DCC: variants seen among roughly 807,000 people sequenced by gnomAD.
DCC encodes the protein DCC netrin 1 receptor.
Under a neutral mutation model 172.5 loss-of-function variants are expected in DCC, and 58 were observed. That is an observed-to-expected ratio of 0.34 (90% confidence interval 0.27 to 0.42). The LOEUF is 0.42. DCC is among the 10% of genes least tolerant of loss of function. The pLI, the probability that DCC is intolerant of heterozygous loss-of-function variation, is 1.00. For missense variants in DCC, 1,740 were observed against 1,791.0 expected, an observed-to-expected ratio of 0.97 and a Z score of 0.51; for synonymous variants, 709 against 644.5, an observed-to-expected ratio of 1.10 and a Z score of -1.52.
chr18:52,617,239 A>G (rs2034400055), intron 1 of DCC, among the ~76,000 whole-genome samples: 1 of 152,192 alleles, frequency 6.6e-6, no homozygotes, highest in Admixed American at 6.6e-5. Context: ...TTAAGTGTCT[A>G]TTAAAAACAA....
At chr18:52,619,365 T>C (rs1447227657) in intron 1 of DCC, among the ~76,000 whole-genome samples, 1 of 152,226 alleles carries the variant, frequency 6.6e-6, no homozygotes, top group Non-Finnish European at 1.5e-5. Context: ...GATTTGATCA[T>C]ATTCCTTTTG....
chr18:52,429,892 G>A (rs1447240330), intron 1 of DCC, among the ~76,000 whole-genome samples: 5 of 152,090 alleles, frequency 3.3e-5, no homozygotes, highest in African/African-American at 1.2e-4. Flanking sequence ...TCAAGAGGTG[G>A]GTAAGGTATT....
chr18:53,205,409 T>A (rs773022395), intron 10 of DCC, 45 bp downstream of exon 10: 4 of 1,593,948 alleles, frequency 2.5e-6, no homozygotes, highest in Non-Finnish European at 3.4e-6. Context: ...GTTGGATGTT[T>A]CCATCCATTG....
chr18:52,643,943 A>G (rs1416074427), intron 1 of DCC, among the ~76,000 whole-genome samples: 1 of 118,376 alleles, frequency 8.4e-6, no homozygotes, highest in Non-Finnish European at 1.8e-5. Flanking sequence ...ATTAATAGTC[A>G]AGAACAGTAT....
At chr18:53,491,393 G>C (rs182385626) in intron 26 of DCC, among the ~76,000 whole-genome samples, 1 of 151,904 alleles carries the variant, frequency 6.6e-6, no homozygotes, top group East Asian at 1.9e-4. Flanking sequence ...TTAATTTCTG[G>C]GGTACATGTG....
intron 23 of DCC, among the ~76,000 whole-genome samples, chr18:53,451,111 T>C (rs1282146854): frequency 6.6e-6 from 1 of 152,226 alleles, no homozygotes; most frequent in East Asian, 1.9e-4. Flanking sequence ...TGACTAAATA[T>C]AGAATGCCAG....
intron 5 of DCC, among the ~76,000 whole-genome samples, chr18:53,035,637 T>C (rs2042082687): frequency 6.6e-6 from 1 of 152,158 alleles, no homozygotes; most frequent in South Asian, 2.1e-4. Flanking sequence ...AGGAACATTA[T>C]AGCAGCGTAG....
At chr18:53,168,619 A>T (rs2054962536) in intron 8 of DCC, among the ~76,000 whole-genome samples, 1 of 152,014 alleles carries the variant, frequency 6.6e-6, no homozygotes, top group South Asian at 2.1e-4. Flanking sequence ...TACCTAATGT[A>T]GATGACAGGT....
intron 1 of DCC, among the ~76,000 whole-genome samples, chr18:52,473,931 C>CT: frequency 6.6e-6 from 1 of 152,252 alleles, no homozygotes; most frequent in East Asian, 1.9e-4. Flanking sequence ...CCACCTTCCT[C>CT]TTCTGACATC....
intron 7 of DCC, among the ~76,000 whole-genome samples, chr18:53,153,016 C>A (rs1389555935): frequency 2.0e-5 from 3 of 152,206 alleles, no homozygotes; most frequent in Non-Finnish European, 4.4e-5. Context: ...TGCCTGCTTG[C>A]CATTGCCCCT....
At chr18:52,457,838 G>C (rs1988505196) in intron 1 of DCC, among the ~76,000 whole-genome samples, 1 of 152,012 alleles carries the variant, frequency 6.6e-6, no homozygotes, top group African/African-American at 2.4e-5. Context: ...CCATTGACTT[G>C]GGAAATCCAA....
At chr18:53,295,809 C>G (rs79556961) in intron 12 of DCC, among the ~76,000 whole-genome samples, 172 of 152,148 alleles carry the variant, frequency 1.1e-3, no homozygotes, top group African/African-American at 3.5e-3. Flanking sequence ...TATTATCTAC[C>G]GTGTTGCCTA....
intron 1 of DCC, among the ~76,000 whole-genome samples, chr18:52,648,511 C>A (rs1002936282): frequency 5.3e-5 from 8 of 152,210 alleles, no homozygotes; most frequent in African/African-American, 1.9e-4. Flanking sequence ...TTCTGTAGGA[C>A]TTCAATGCCA....
intron 7 of DCC, among the ~76,000 whole-genome samples, chr18:53,125,057 A>G (rs1352949359): frequency 6.6e-6 from 1 of 152,012 alleles, no homozygotes; most frequent in Non-Finnish European, 1.5e-5. Flanking sequence ...ACTACTTTTA[A>G]TATATCTTGT....
chr18:52,795,900 ATTCT>A (rs1376482442), intron 2 of DCC, among the ~76,000 whole-genome samples: 3 of 151,476 alleles, frequency 2.0e-5, no homozygotes, highest in Admixed American at 1.3e-4. Context: ...AGTTTTCAAT[ATTCT>A]TTCTATTAAA....
At chr18:53,068,918 C>A (rs372421601) in intron 7 of DCC, among the ~76,000 whole-genome samples, 1 of 151,782 alleles carries the variant, frequency 6.6e-6, no homozygotes, top group Admixed American at 6.6e-5. Context: ...GCTGAGAGAC[C>A]AAAGAAAGAG....
chr18:52,824,905 G>A (rs2038482025), intron 2 of DCC, among the ~76,000 whole-genome samples: 2 of 152,022 alleles, frequency 1.3e-5, no homozygotes, highest in Admixed American at 1.3e-4. Context: ...AGGACACAGA[G>A]GTTGCAGTGA....
chr18:52,375,358 G>A (rs1018351940), intron 1 of DCC, among the ~76,000 whole-genome samples: 1 of 152,104 alleles, frequency 6.6e-6, no homozygotes, highest in Non-Finnish European at 1.5e-5. Flanking sequence ...AAGGTTAAAA[G>A]AATTAACAAA....
At chr18:52,844,725 C>T (rs2038859039) in intron 2 of DCC, among the ~76,000 whole-genome samples, 1 of 152,162 alleles carries the variant, frequency 6.6e-6, no homozygotes, top group African/African-American at 2.4e-5. Flanking sequence ...AACTAAAAGT[C>T]ATTCTCTAAA....
Sources: allele counts gnomAD v4.1 joint callset (sites outside exome capture counted in the v4.1 genomes callset), GRCh38; gene constraint gnomAD v4.1.1; transcripts MANE v1.5; gene names NCBI Gene and HGNC (gene_info 2026-07-23, HGNC 2026-07-21).